The following TGM5 variants were observed in gnomAD, a reference collection of about 807,000 sequenced individuals.
TGM5 encodes protein-glutamine gamma-glutamyltransferase 5.
In TGM5, 69 loss-of-function variants were observed where a neutral mutation model predicts 77.2. The ratio of observed to expected loss-of-function variants is 0.89; its 90% CI spans 0.74 to 1.09. The LOEUF is 1.09. Ranked by LOEUF, TGM5 falls within the 50% of genes least tolerant of loss-of-function variation. The pLI is 0.00. For missense variants in TGM5, 842 were observed against 896.5 expected (o/e 0.94, Z 0.78); for synonymous variants, 346 against 351.8 (o/e 0.98, Z 0.18).
chr15:43,261,076 G>T (rs12901716), intron 1 of TGM5, among the ~76,000 whole-genome samples: 30,370 of 56,126 alleles, frequency 0.54, 6,733 homozygotes, highest in Middle Eastern at 0.63. Flanking sequence ...TTGTGTGTGT[G>T]TTTTTTTTTT....
At chr15:43,249,881 G>A (rs1357742894) in intron 6 of TGM5, among the ~76,000 whole-genome samples, 1 of 152,226 alleles carries the variant, frequency 6.6e-6, no homozygotes, top group African/African-American at 2.4e-5. Flanking sequence ...CGTGTTGAAA[G>A]GCCACACTGG....
intron 6 of TGM5, among the ~76,000 whole-genome samples, chr15:43,241,829 G>A (rs556776087): frequency 2.0e-5 from 3 of 151,840 alleles, no homozygotes; most frequent in Non-Finnish European, 4.4e-5. Flanking sequence ...TAGTAGAGAC[G>A]GGGTTTTACC....
At chr15:43,263,374 A>C (rs2042802983) in intron 1 of TGM5, among the ~76,000 whole-genome samples, 1 of 152,270 alleles carries the variant, frequency 6.6e-6, no homozygotes. Flanking sequence ...CAAGGGATCC[A>C]TACTAGCCAA....
chr15:43,250,163 C>T (rs762542975), intron 6 of TGM5, among the ~76,000 whole-genome samples: 9 of 152,118 alleles, frequency 5.9e-5, no homozygotes, highest in Non-Finnish European at 1.2e-4. Context: ...GAGACTGGCT[C>T]CACCACTCAA....
At chr15:43,263,287 C>A (rs954162355) in intron 1 of TGM5, among the ~76,000 whole-genome samples, 1 of 152,162 alleles carries the variant, frequency 6.6e-6, no homozygotes, top group African/African-American at 2.4e-5. Context: ...TCTGCAGATT[C>A]AACACAATCC....
intron 3 of TGM5, 125 bp from the exon 4 acceptor site, chr15:43,256,811 C>CA: frequency 1.3e-6 from 1 of 765,778 alleles, no homozygotes; most frequent in Non-Finnish European, 2.3e-6. Context: ...CCAAGAGGGG[C>CA]ACGAGGCAGT....
rs115121346 is a variant in TGM5 at position 43,256,614 on chromosome 15, T to C, written c.509A>G (p.Gln170Arg). The C allele has an allele frequency of 8.9e-5, 143 of 1,614,138 alleles. 2 individuals are homozygous for C. The East Asian group carries it at 3.1e-3, about 35-fold the overall frequency. Reference sequence around the variant, plus strand: ...TGGGCGGATCCAGTTCTTGCTGCCTTGGTAGATGAAGCCATAATCATTCAT... The same window carrying C: ...TGGGCGGATCCAGTTCTTGCTGCCTCGGTAGATGAAGCCATAATCATTCAT... Reference protein sequence around the residue: ...YVMNDYGFIYQGSKNWIRPCP... With the variant: ...YVMNDYGFIYRGSKNWIRPCP... The change falls in exon 4 of 13, where the codon CAA (glutamine) becomes CGA (arginine). Residue 170 changes from glutamine (Q) to arginine (R), a missense_variant. Gln to Arg is a conservative substitution (Grantham distance 43). Transcript: ENST00000220420.
chr15:43,259,035 T>G (rs2142380323), intron 3 of TGM5, among the ~76,000 whole-genome samples: 1 of 152,198 alleles, frequency 6.6e-6, no homozygotes. Flanking sequence ...GGTCCTGATG[T>G]GACCCAGGAG....
At chr15:43,261,095 T>TTG (rs2042787117) in intron 1 of TGM5, among the ~76,000 whole-genome samples, 5 of 130,338 alleles carry the variant, frequency 3.8e-5, no homozygotes, top group African/African-American at 1.2e-4. Flanking sequence ...TTTTTTTTTT[T>TTG]TTTTTTTTTT....
chr15:43,238,902 C>G lies in TGM5; in HGVS notation c.1260G>C (p.Thr420=), dbSNP rs151047281. The change falls in exon 9 of 13, where the codon ACG becomes ACC. Residue 420 remains threonine, a synonymous_variant. Coordinates refer to ENST00000220420, the MANE Select transcript of TGM5 (RefSeq NM_201631.4). ...TGCTGATAAAATTGCCAACAGAACT[C>G]GTGTCCTGGTGAAGCTTCTGCTCCT... The part of the protein sequence containing the change: ...GGKEQKLHQD[T]SSVGNFISTK... The G allele has an allele frequency of 9.3e-6, 15 of 1,614,128 alleles. No homozygotes were observed. The African/African-American group carries it at 2.0e-4, about 22-fold the overall frequency.
intron 6 of TGM5, among the ~76,000 whole-genome samples, chr15:43,245,746 C>T (rs998997406): frequency 6.6e-6 from 1 of 152,110 alleles, no homozygotes; most frequent in East Asian, 1.9e-4. Flanking sequence ...AGGATATCAA[C>T]CTTGAAGGAG....
chr15:43,238,859 C>T lies in TGM5; in HGVS notation c.1303G>A (p.Asp435Asn). The T allele has an allele frequency of 1.9e-6, 3 of 1,614,206 alleles. No homozygotes were observed. The highest frequency in any genetic ancestry group is 2.5e-6 in the Non-Finnish European group (3 of 1,180,034). The change falls in exon 9 of 13, where the codon GAC (aspartate) becomes AAC (asparagine). Residue 435 changes from aspartate (D) to asparagine (N), a missense_variant. Physicochemically the swap from Asp to Asn is conservative, Grantham distance 23 (BLOSUM62 1). This residue lies in a region of TGM5 where 815 missense variants were observed against 844.6 expected (regional missense o/e 0.96). Coordinates refer to ENST00000220420, the MANE Select transcript of TGM5 (RefSeq NM_201631.4). ...NFISTKSIQS[D>N]ERDDITENYK... ...TTCTCTGTGATGTCATCCCGCTCGT[C>T]ACTCTGGATGCTCTTTGTGCTGATA...
intron 4 of TGM5, 140 bp downstream of exon 4, chr15:43,256,428 A>C (rs1187133581): frequency 2.6e-6 from 2 of 773,120 alleles, no homozygotes; most frequent in Non-Finnish European, 4.7e-6. Flanking sequence ...TCCTCGGGCA[A>C]CCTGGGCTCA....
intron 6 of TGM5, chr15:43,247,684 G>A (rs1277054268): frequency 1.3e-5 from 2 of 150,750 alleles, no homozygotes; most frequent in African/African-American, 4.9e-5. Context: ...AATACACACG[G>A]GTCCAAGTGC....
intron 1 of TGM5, among the ~76,000 whole-genome samples, chr15:43,263,462 G>T (rs1329256863): frequency 6.6e-6 from 1 of 152,224 alleles, no homozygotes; most frequent in Non-Finnish European, 1.5e-5. Flanking sequence ...CATAAGGATA[G>T]ACATATAGAT....
Position 43,242,944 on chromosome 15 carries a change from C to T in TGM5, c.863-1954G>A, listed in dbSNP as rs575155593. ...GATGACACTCACAGTGACAAGAAAA[C>T]GTGCCAAAGAAGAGGGCAGGGAGGG... is the stretch of plus-strand genomic sequence containing the variant. On this transcript the variant is annotated intron_variant, in intron 6 of 12. Transcript: ENST00000220420. Among the ~76,000 whole-genome samples, 6 of 152,298 alleles carry T rather than the reference C, an allele frequency of 3.9e-5. No homozygotes were observed. The East Asian group carries it at 5.8e-4, about 15-fold the overall frequency.
In TGM5 at chr15:43,260,595, C is replaced by G. The variant is rs768314704; in HGVS notation, c.11-16G>C. The G allele has an allele frequency of 2.5e-6, 4 of 1,614,086 alleles. No individual in the cohort carries two copies. In the East Asian group the frequency reaches 8.9e-5, roughly 36 times the overall value. On this transcript the variant is annotated splice_polypyrimidine_tract_variant and intron_variant, in intron 1 of 12. Coordinates refer to ENST00000220420, the MANE Select transcript of TGM5 (RefSeq NM_201631.4). The stretch of plus-strand genomic sequence containing the variant: ...ACTTCTAGCCCTGCAATGGGGCAGC[C>G]AGGGTTAGACAAAATAGTGGGGTTG...
chr15:43,248,075 A>C (rs923138679), intron 6 of TGM5, among the ~76,000 whole-genome samples: 1 of 152,238 alleles, frequency 6.6e-6, no homozygotes, highest in Non-Finnish European at 1.5e-5. Context: ...GAAATGAGGA[A>C]TATAGTTAAC....
chr15:43,243,825 C>T (rs912642404), intron 6 of TGM5, among the ~76,000 whole-genome samples: 3 of 152,198 alleles, frequency 2.0e-5, no homozygotes, highest in African/African-American at 7.2e-5. Context: ...TCAAGGACAT[C>T]ATCATCATCA....
Sources: allele counts gnomAD v4.1 joint callset (sites outside exome capture counted in the v4.1 genomes callset), GRCh38; gene constraint gnomAD v4.1.1; regional missense constraint gnomAD v4.1.1; transcripts MANE v1.5; gene names NCBI Gene and HGNC (gene_info 2026-07-23, HGNC 2026-07-21).